Variants in KDM1B observed in about 807,000 individuals in gnomAD.
KDM1B encodes lysine demethylase 1B.
KDM1B carries 63 observed loss-of-function variants against 107.4 expected under a neutral mutation model. That is an observed-to-expected ratio of 0.59 (90% CI 0.48 to 0.72). KDM1B has a LOEUF of 0.72. Ranked by LOEUF, KDM1B falls within the 30% of genes least tolerant of loss-of-function variation. The probability of loss-of-function intolerance (pLI) is 0.00; values close to 1 mark genes in which losing one functional copy is unlikely to be tolerated. For synonymous variants in KDM1B, 363 were observed against 363.9 expected, an observed-to-expected ratio of 1.00 and a Z score of 0.03; for missense variants, 749 against 1,020.8, an observed-to-expected ratio of 0.73 and a Z score of 3.63.
rs1370030506 is a variant in KDM1B at position 18,218,013 on chromosome 6, A to G, written c.2385+128A>G. 3.1e-6 allele frequency: 3 copies of G among 958,414 alleles called. No homozygotes were observed. In the African/African-American group the frequency reaches 4.9e-5, roughly 16 times the overall value. The allele number at this position is 958,414 out of a possible 1,614,324, so 59.4% of individuals were successfully genotyped here. ...AAAGTCTTATGACCACAGACAGCAG[A>G]AGCCTTCTCACCATCCTCTTGCTCC... is the stretch of plus-strand genomic sequence containing the variant. On this transcript the variant is annotated intron_variant, in intron 21 of 21. Coordinates refer to ENST00000650836, the MANE Select transcript of KDM1B (RefSeq NM_001364614.2).
intron 7 of KDM1B, among the ~76,000 whole-genome samples, chr6:18,173,216 A>T (rs1209941845): frequency 6.6e-6 from 1 of 152,096 alleles, no homozygotes; most frequent in Non-Finnish European, 1.5e-5. Flanking sequence ...ATTCTTTTTT[A>T]AAAAATTTAA....
chr6:18,164,994 A>T (rs1785202140), intron 5 of KDM1B, among the ~76,000 whole-genome samples: 1 of 152,040 alleles, frequency 6.6e-6, no homozygotes, highest in African/African-American at 2.4e-5. Context: ...AATCCCACTG[A>T]CAATCTCTTT....
rs1788705855 is a variant in KDM1B at position 18,209,901 on chromosome 6, C to T, written c.1866+1695C>T. Among the ~76,000 whole-genome samples, 1 of 152,166 alleles carries T rather than the reference C, an allele frequency of 6.6e-6. No homozygotes were observed. Among genetic ancestry groups the T allele is most frequent in the Non-Finnish European group, 1.5e-5 (1 of 68,044 alleles). On this transcript the variant is annotated intron_variant, in intron 17 of 21. Coordinates refer to ENST00000650836, the MANE Select transcript of KDM1B (RefSeq NM_001364614.2). The surrounding 1 kb of genome is among the most constrained non-coding windows in gnomAD (Gnocchi z 4.3). The stretch of plus-strand genomic sequence containing the variant: ...TGGTAAACAGTGTTTAAAAATACTA[C>T]CTTTTAAAATTGCAAGTCACCCGAC...
Position 18,178,826 on chromosome 6 carries a change from T to C in KDM1B, c.535-6946T>C, listed in dbSNP as rs115046043. On this transcript the variant is annotated intron_variant, in intron 7 of 21. Transcript: ENST00000650836. Reference sequence around the variant, plus strand: ...TACTAAGTTTCATAGATCTTTTTCATAGATTCCTTTGGGTTGTCTGCAAAT... The same window carrying C: ...TACTAAGTTTCATAGATCTTTTTCACAGATTCCTTTGGGTTGTCTGCAAAT... Among the ~76,000 whole-genome samples the C allele has an allele frequency of 6.2e-3, 943 of 152,382 alleles. 7 individuals are homozygous for C. The highest frequency in any genetic ancestry group is 0.022 in the African/African-American group (914 of 41,596).
chr6:18,164,698 T>A lies in KDM1B; in HGVS notation c.306-1569T>A, dbSNP rs150702540. Among the ~76,000 whole-genome samples the A allele has an allele frequency of 6.4e-3, 978 of 152,202 alleles. 9 individuals are homozygous for A. Among genetic ancestry groups the A allele is most frequent in the African/African-American group, 0.023 (941 of 41,534 alleles). The stretch of plus-strand genomic sequence containing the variant: ...TTTGAGACAGGGTCTTGCTCTGGAG[T>A]GCAGTGGCGTGATCTTGGCTCACTG... On this transcript the variant is annotated intron_variant, in intron 5 of 21. Coordinates refer to ENST00000650836, the MANE Select transcript of KDM1B (RefSeq NM_001364614.2).
intron 7 of KDM1B, among the ~76,000 whole-genome samples, chr6:18,180,238 T>C (rs984739234): frequency 6.6e-6 from 1 of 151,952 alleles, no homozygotes; most frequent in South Asian, 2.1e-4. Flanking sequence ...AGCTGGGAAC[T>C]GAGCAATGAA....
intron 17 of KDM1B, among the ~76,000 whole-genome samples, chr6:18,208,627 ATTTTTTTTTTTTTTTTTTTTTT>A (rs1167715268): frequency 7.4e-4 from 19 of 25,728 alleles, no homozygotes; most frequent in Non-Finnish European, 1.2e-3. Flanking sequence ...ATATATATAT[ATTTTTTTTTTTTTTTTTTTTTT>A]TTTTTTTTTT....
In KDM1B at chr6:18,155,724, G is replaced by A. The variant is rs992443888; in HGVS notation, c.-58+153G>A. ...GTGGGAGGTGGGCGGGTGCCCCAGG[G>A]ACGGATACCTCCTGCCCCGGATTAA... On this transcript the variant is annotated intron_variant, in intron 1 of 21. Transcript: ENST00000650836. The surrounding 1 kb of genome is among the most constrained non-coding windows in gnomAD (Gnocchi z 6.2). 2.6e-5 allele frequency among the ~76,000 whole-genome samples: 4 copies of A among 152,232 alleles called. No homozygotes were observed. The highest frequency in any genetic ancestry group is 9.6e-5 in the African/African-American group (4 of 41,460).
At position 18,161,293 on chromosome 6, in the gene KDM1B, A is replaced by G. The variant is rs745616046; in HGVS notation, c.88-34A>G. ...CATCCTTAGTCATTTTGCCATCATC[A>G]GTGAAATTTTAACATCAGCTGTGAC... is the stretch of plus-strand genomic sequence containing the variant. On this transcript the variant is annotated intron_variant, in intron 3 of 21. Transcript: ENST00000650836. 6 of 1,609,154 alleles carry G rather than the reference A, an allele frequency of 3.7e-6. No homozygotes were observed. In the East Asian group the frequency reaches 1.3e-4, roughly 36 times the overall value.
At chr6:18,157,213 G>T (rs1316980634) in intron 2 of KDM1B, among the ~76,000 whole-genome samples, 3 of 152,098 alleles carry the variant, frequency 2.0e-5, no homozygotes, top group Non-Finnish European at 4.4e-5. Flanking sequence ...AAGACCTAAG[G>T]ACCCAGCAAG....
rs1325269623 is a variant in KDM1B, at chr6:18,201,675, T to C, written c.1531+18T>C. 1 of 1,524,392 alleles carries C rather than the reference T, an allele frequency of 6.6e-7. No homozygotes were observed. The highest frequency in any genetic ancestry group is 8.8e-7 in the Non-Finnish European group (1 of 1,135,654). 94.4% of individuals were successfully genotyped at this position (1,524,392 alleles called of 1,614,324 possible). A position where few individuals can be genotyped will look rare whatever the true frequency, so the allele number is the denominator to read the frequency against. ...TTTAGGAGGTATGGGGAGAACGGTGTTCTGATTGTTCCATCTCAGTTTCGT... is the reference window on the plus strand; with the variant it reads ...TTTAGGAGGTATGGGGAGAACGGTGCTCTGATTGTTCCATCTCAGTTTCGT... On this transcript the variant is annotated intron_variant, in intron 14 of 21. Transcript: ENST00000650836. The surrounding 1 kb of genome is among the most constrained non-coding windows in gnomAD (Gnocchi z 4.3).
rs1787704056 is a variant in KDM1B at position 18,197,145 on chromosome 6, T to C, written c.1058T>C (p.Leu353Pro). ...TGCGTTCAGGAAGTGGAGAGAATAC[T>C]GTATTTTATGACCAGAAAAGGTCTC... ...IRCVQEVERI[L>P]YFMTRKGLIN... Residue 353 changes from leucine (L) to proline (P), a missense_variant, in exon 11 of 22, where the codon CTG (leucine) becomes CCG (proline). Coordinates refer to ENST00000650836, the MANE Select transcript of KDM1B (RefSeq NM_001364614.2). The surrounding 1 kb of genome is among the most constrained non-coding windows in gnomAD (Gnocchi z 4.5). 1 of 1,614,172 alleles carries C rather than the reference T, an allele frequency of 6.2e-7. No individual in the cohort carries two copies. Among genetic ancestry groups the C allele is most frequent in the Non-Finnish European group, 8.5e-7 (1 of 1,180,008 alleles).
Position 18,212,437 on chromosome 6 carries a change from G to T in KDM1B, c.1867-51G>T, listed in dbSNP as rs1788914814. On this transcript the variant is annotated intron_variant, in intron 17 of 21. Coordinates refer to ENST00000650836, the MANE Select transcript of KDM1B (RefSeq NM_001364614.2). This position sits in a 1 kb window ranked among gnomAD's most constrained non-coding sequence, Gnocchi z 5.2. Reference sequence around the variant, plus strand: ...GGTTGTTGATACCAGTGTAGTGGTAGTGTGAGGTTCTGTTGCTGTTTGTTT... The same window carrying T: ...GGTTGTTGATACCAGTGTAGTGGTATTGTGAGGTTCTGTTGCTGTTTGTTT... 2.9e-6 allele frequency: 3 copies of T among 1,039,444 alleles called. No homozygotes were observed. The highest frequency in any genetic ancestry group is 3.1e-5 in the African/African-American group (2 of 63,860). The allele number at this position is 1,039,444 out of a possible 1,614,324, so 64.4% of individuals were successfully genotyped here.
chr6:18,212,671 A>C lies in KDM1B; in HGVS notation c.1983+67A>C. 1 of 1,000,880 alleles carries C rather than the reference A, an allele frequency of 1.0e-6. No individual in the cohort carries two copies. The highest frequency in any genetic ancestry group is 1.6e-6 in the Non-Finnish European group (1 of 621,972). 62.0% of individuals were successfully genotyped at this position (1,000,880 alleles called of 1,614,324 possible). A position where few individuals can be genotyped will look rare whatever the true frequency, so the allele number is the denominator to read the frequency against. On this transcript the variant is annotated intron_variant, in intron 18 of 21. Coordinates refer to ENST00000650836, the MANE Select transcript of KDM1B (RefSeq NM_001364614.2). This position sits in a 1 kb window ranked among gnomAD's most constrained non-coding sequence, Gnocchi z 5.2. ...GTCAGATGATAGATGTTAACTTCTG[A>C]TATGGAGAAGTAGTGGGTACTATCT...
intron 21 of KDM1B, among the ~76,000 whole-genome samples, chr6:18,218,619 CT>C (rs1217742342): frequency 6.6e-6 from 1 of 152,062 alleles, no homozygotes; most frequent in African/African-American, 2.4e-5. Context: ...CCACTGATAC[CT>C]TCTTACACAG....
chr6:18,216,064 G>A (rs1255766171), intron 20 of KDM1B, among the ~76,000 whole-genome samples: 5 of 152,096 alleles, frequency 3.3e-5, no homozygotes, highest in Admixed American at 3.3e-4. Context: ...CAGATATGTT[G>A]CTTATTTTAT....
chr6:18,171,085 G>A (rs559610479), intron 6 of KDM1B, among the ~76,000 whole-genome samples: 60 of 152,270 alleles, frequency 3.9e-4, no homozygotes, highest in African/African-American at 1.4e-3. Flanking sequence ...CTCCCAAAGT[G>A]CTGGGATTAC....
intron 17 of KDM1B, 136 bp downstream of exon 17, chr6:18,208,342 G>A (rs571335520): frequency 3.2e-6 from 2 of 628,262 alleles, no homozygotes; most frequent in Non-Finnish European, 5.6e-6. Flanking sequence ...GGTAAGTTAT[G>A]TATCTCTACT....
At chr6:18,188,026 C>A in intron 9 of KDM1B, 24 bp downstream of exon 9, 2 of 1,541,542 alleles carry the variant, frequency 1.3e-6, no homozygotes, top group South Asian at 1.2e-5. Flanking sequence ...CTGGGACTCC[C>A]TGCTTTCTAT....
Sources: gnomAD v4.1 joint callset for allele counts (sites outside exome capture counted in the v4.1 genomes callset) on GRCh38, gnomAD v4.1.1 for gene constraint, Gnocchi (gnomAD v3.1) non-coding constraint, MANE v1.5 for transcripts, NCBI Gene and HGNC (gene_info 2026-07-23, HGNC 2026-07-21) for gene names.